Variants in RABGAP1L observed in about 807,000 individuals in gnomAD.
RABGAP1L encodes RAB GTPase activating protein 1 like, also known as rab GTPase-activating protein 1-like.
RABGAP1L carries 63 observed loss-of-function variants against 137.7 expected under a neutral mutation model. That is an observed-to-expected ratio of 0.46 (90% confidence interval 0.37 to 0.56). RABGAP1L has a LOEUF of 0.56. RABGAP1L is among the 20% of genes least tolerant of loss of function. The pLI is 0.00. For missense variants in RABGAP1L, 1,095 were observed against 1,244.0 expected, an observed-to-expected ratio of 0.88 and a Z score of 1.80; for synonymous variants, 431 against 433.7, an observed-to-expected ratio of 0.99 and a Z score of 0.08.
At chr1:174,308,764 T>A (rs1468599723) in intron 11 of RABGAP1L, among the ~76,000 whole-genome samples, 2 of 152,156 alleles carry the variant, frequency 1.3e-5, no homozygotes, top group Non-Finnish European at 2.9e-5. Context: ...CATGTTGTTT[T>A]GGTTACTTTA....
chr1:174,392,804 T>A (rs1647312378), intron 12 of RABGAP1L, among the ~76,000 whole-genome samples: 1 of 152,154 alleles, frequency 6.6e-6, no homozygotes, highest in African/African-American at 2.4e-5. Context: ...ATTCTATGAC[T>A]TTCGAGGCTC....
intron 11 of RABGAP1L, among the ~76,000 whole-genome samples, chr1:174,358,826 G>A (rs1266494059): frequency 1.3e-5 from 2 of 152,024 alleles, no homozygotes; most frequent in African/African-American, 4.8e-5. Flanking sequence ...AGGAAATTTT[G>A]AATACTCTTA....
chr1:174,925,372 A>C (rs1475625239), intron 19 of RABGAP1L, among the ~76,000 whole-genome samples: 2 of 151,454 alleles, frequency 1.3e-5, no homozygotes, highest in South Asian at 2.1e-4. Flanking sequence ...AAAAAAAAAA[A>C]AAAAAAACAG....
chr1:174,378,349 AGG>A (rs1319539750), intron 12 of RABGAP1L, among the ~76,000 whole-genome samples: 2 of 150,928 alleles, frequency 1.3e-5, no homozygotes, highest in Non-Finnish European at 3.0e-5. Context: ...TAGATCCCTG[AGG>A]AATCGCCACA....
chr1:174,877,883 G>T (rs1653408330), intron 19 of RABGAP1L, among the ~76,000 whole-genome samples: 1 of 152,132 alleles, frequency 6.6e-6, no homozygotes, highest in African/African-American at 2.4e-5. Context: ...TAATTATCAG[G>T]TAGGGGCTAG....
At chr1:174,252,694 A>G (rs1188819022) in intron 7 of RABGAP1L, 104 bp downstream of exon 7, 5 of 1,450,436 alleles carry the variant, frequency 3.4e-6, no homozygotes, top group Non-Finnish European at 4.6e-6. Context: ...ATTTTCTCCA[A>G]TTAAAAATGA....
At chr1:174,816,277 C>T (rs1326507126) in intron 19 of RABGAP1L, among the ~76,000 whole-genome samples, 1 of 151,486 alleles carries the variant, frequency 6.6e-6, no homozygotes, top group African/African-American at 2.4e-5. Context: ...TTCAGCCTCC[C>T]GAGTAGCTGG....
intron 18 of RABGAP1L, among the ~76,000 whole-genome samples, chr1:174,784,486 T>G (rs1040034640): frequency 1.3e-5 from 2 of 152,038 alleles, no homozygotes; most frequent in African/African-American, 4.8e-5. Flanking sequence ...TGGTGGGAGG[T>G]GGGAGAGGTT....
intron 15 of RABGAP1L, among the ~76,000 whole-genome samples, chr1:174,685,969 G>A (rs1376084843): frequency 6.6e-6 from 1 of 152,204 alleles, no homozygotes; most frequent in African/African-American, 2.4e-5. Flanking sequence ...TGCTGGAGGA[G>A]AAATGAAAGC....
intron 1 of RABGAP1L, among the ~76,000 whole-genome samples, chr1:174,172,232 T>G (rs1665475657): frequency 6.8e-6 from 1 of 146,832 alleles, no homozygotes; most frequent in Non-Finnish European, 1.5e-5. Flanking sequence ...ATGCCACAAA[T>G]TCTTTATCTG....
At position 174,752,351 on chromosome 1, in the gene RABGAP1L, A is replaced by G. The variant is rs1293272777; in HGVS notation, c.2208A>G (p.Leu736=). ...NIIFHVALAL[L]KTSKEDLLQA... ...TCTTTCATGTAGCTTTGGCTCTCCT[A>G]AAGGTAAGTCTTTTTTTTAATCTTA... is the stretch of plus-strand genomic sequence containing the variant. The change falls in exon 18 of 26, where the codon CTA becomes CTG. Residue 736 remains leucine (L), a synonymous_variant. Coordinates refer to ENST00000681986, the MANE Select transcript of RABGAP1L (RefSeq NM_001366446.1). The G allele has an allele frequency of 4.4e-6, 7 of 1,577,544 alleles. No homozygotes were observed. The highest frequency in any genetic ancestry group is 1.2e-5 in the South Asian group (1 of 86,434).
chr1:174,917,955 A>G (rs956097940), intron 19 of RABGAP1L, among the ~76,000 whole-genome samples: 1 of 150,002 alleles, frequency 6.7e-6, no homozygotes, highest in African/African-American at 2.4e-5. Flanking sequence ...AAAAAAGCCC[A>G]AAAAACATGT....
intron 17 of RABGAP1L, among the ~76,000 whole-genome samples, chr1:174,750,362 AT>A (rs35883826): frequency 0.97 from 147,601 of 152,102 alleles, 71,662 homozygotes; most frequent in East Asian, 1. Context: ...GATCTGAACT[AT>A]TTTTTTCAGG....
intron 13 of RABGAP1L, among the ~76,000 whole-genome samples, chr1:174,596,894 G>C (rs775147580): frequency 6.6e-6 from 1 of 151,940 alleles, no homozygotes; most frequent in African/African-American, 2.4e-5. Context: ...TCTCTATCCA[G>C]TTTTTTTAGG....
chr1:174,456,736 C>G (rs1656078784), intron 13 of RABGAP1L, among the ~76,000 whole-genome samples: 1 of 152,080 alleles, frequency 6.6e-6, no homozygotes, highest in Non-Finnish European at 1.5e-5. Flanking sequence ...GGAAATCTTT[C>G]TTTAAGTCGT....
intron 17 of RABGAP1L, among the ~76,000 whole-genome samples, chr1:174,707,570 T>C (rs1356210313): frequency 1.3e-5 from 2 of 152,218 alleles, no homozygotes; most frequent in Non-Finnish European, 2.9e-5. Flanking sequence ...GTAAATCTCA[T>C]TTTCTTTGTT....
chr1:174,243,947 A>G (rs116515861), intron 5 of RABGAP1L, among the ~76,000 whole-genome samples: 296 of 152,292 alleles, frequency 1.9e-3, no homozygotes, highest in Middle Eastern at 0.01. Context: ...TATTTTAGTT[A>G]TGTTTTATAA....
rs867209490 is a variant in RABGAP1L at position 174,454,187 on chromosome 1, C to T, written c.1710+60042C>T. ...CTGAGGCAGGAGAATTGCTTGAACC[C>T]GGGAGGCGGAGGTTGCAGTGAGCCG... On this transcript the variant is annotated intron_variant, in intron 13 of 25. Coordinates refer to ENST00000681986, the MANE Select transcript of RABGAP1L (RefSeq NM_001366446.1). Among the ~76,000 whole-genome samples, 4 of 152,010 alleles carry T rather than the reference C, an allele frequency of 2.6e-5. No homozygotes were observed. In the South Asian group the frequency reaches 6.2e-4, roughly 24 times the overall value.
At chr1:174,298,437 A>G (rs1165971270) in intron 10 of RABGAP1L, among the ~76,000 whole-genome samples, 2 of 152,212 alleles carry the variant, frequency 1.3e-5, no homozygotes, top group African/African-American at 4.8e-5. Context: ...TTATCCAAAT[A>G]GGAAGCTTGG....
Sources: allele counts gnomAD v4.1 joint callset (sites outside exome capture counted in the v4.1 genomes callset), GRCh38; gene constraint gnomAD v4.1.1; transcripts MANE v1.5; gene names NCBI Gene and HGNC (gene_info 2026-07-23, HGNC 2026-07-21).